Variants in POLR3E observed in about 807,000 individuals in gnomAD.
The protein encoded by POLR3E is RNA polymerase III subunit E.
POLR3E carries 41 observed loss-of-function variants against 96.6 expected under a neutral mutation model. The ratio of observed to expected loss-of-function variants is 0.42; its 90% CI spans 0.33 to 0.55. POLR3E has a LOEUF of 0.55. POLR3E is among the 20% of genes least tolerant of loss of function. POLR3E has a pLI of 0.06. For missense variants in POLR3E, 849 were observed against 952.1 expected, an observed-to-expected ratio of 0.89 and a Z score of 1.43; for synonymous variants, 396 against 383.6, an observed-to-expected ratio of 1.03 and a Z score of -0.38.
intron 18 of POLR3E, chr16:22,326,721 C>T: frequency 4.3e-6 from 1 of 233,610 alleles, no homozygotes; most frequent in Non-Finnish European, 8.6e-6. Flanking sequence ...AAGGTCACTA[C>T]CTAGGAGGTA....
At chr16:22,325,409 C>T in intron 17 of POLR3E, 143 bp downstream of exon 17, 1 of 741,190 alleles carries the variant, frequency 1.3e-6, no homozygotes. Flanking sequence ...TCCTTTCCTG[C>T]CACCCACAGA....
rs1462017412 is a variant in POLR3E at position 22,314,142 on chromosome 16, C to G, written c.522+14C>G. On this transcript the variant is annotated intron_variant, in intron 8 of 20. Coordinates refer to ENST00000299853, the MANE Select transcript of POLR3E (RefSeq NM_018119.4). ...AAGCAGATCACGGTGAGCCCTGGCC[C>G]CTGGAGGAGGAGGGTGCTGCCTGGG... 2.5e-6 allele frequency: 4 copies of G among 1,612,350 alleles called. No homozygotes were observed. In the Admixed American group the frequency reaches 6.7e-5, roughly 27 times the overall value.
In POLR3E at chr16:22,333,507, T is replaced by G. The variant is rs1598283026; in HGVS notation, c.2071-137T>G. The G allele has an allele frequency of 1.0e-5, 6 of 593,068 alleles. No homozygotes were observed. The Middle Eastern group carries it at 1.0e-3, about 100-fold the overall frequency. 36.7% of individuals were successfully genotyped at this position (593,068 alleles called of 1,614,324 possible). A position where few individuals can be genotyped will look rare whatever the true frequency, so the allele number is the denominator to read the frequency against. On this transcript the variant is annotated intron_variant, in intron 20 of 20. Transcript: ENST00000299853. Reference sequence around the variant, plus strand: ...AAAGGGTGGCTGGTAGTAGCCATGGTGGTATGGTTAGGCAGTTTTTGATTT... The same window carrying G: ...AAAGGGTGGCTGGTAGTAGCCATGGGGGTATGGTTAGGCAGTTTTTGATTT...
intron 19 of POLR3E, among the ~76,000 whole-genome samples, chr16:22,330,507 C>T (rs1423962464): frequency 6.6e-6 from 1 of 152,178 alleles, no homozygotes; most frequent in African/African-American, 2.4e-5. Context: ...TTCACTGCTT[C>T]CTGTTTTCAC....
At position 22,314,449 on chromosome 16, in the gene POLR3E, T is replaced by G. The variant is rs146532950; in HGVS notation, c.522+321T>G. Among the ~76,000 whole-genome samples the G allele has an allele frequency of 5.3e-5, 8 of 152,340 alleles. No individual in the cohort carries two copies. In the East Asian group the frequency reaches 1.5e-3, roughly 29 times the overall value. The stretch of plus-strand genomic sequence containing the variant: ...CTTAACAGAGCCAAAGTCAATTAAC[T>G]GTGATTCTATCCTCTTTATGGGGCA... On this transcript the variant is annotated intron_variant, in intron 8 of 20. Coordinates refer to ENST00000299853, the MANE Select transcript of POLR3E (RefSeq NM_018119.4).
chr16:22,328,604 T>C lies in POLR3E; in HGVS notation c.1944+17T>C. On this transcript the variant is annotated intron_variant, in intron 19 of 20. Transcript: ENST00000299853. Reference sequence around the variant, plus strand: ...AGTGATCAGGTGAGGTGAACTTTGCTGCCATCTTCCCGAAGAGCCAGGGGG... The same window carrying C: ...AGTGATCAGGTGAGGTGAACTTTGCCGCCATCTTCCCGAAGAGCCAGGGGG... 5 of 1,609,526 alleles carry C rather than the reference T, an allele frequency of 3.1e-6. No individual in the cohort carries two copies. Among genetic ancestry groups the C allele is most frequent in the Non-Finnish European group, 4.3e-6 (5 of 1,175,820 alleles).
chr16:22,331,276 G>C (rs923810904), intron 19 of POLR3E, among the ~76,000 whole-genome samples: 1 of 152,030 alleles, frequency 6.6e-6, no homozygotes, highest in Non-Finnish European at 1.5e-5. Flanking sequence ...TCTGCGCCCG[G>C]CATGAAGCAT....
At chr16:22,309,548 A>AT in intron 6 of POLR3E, 38 bp downstream of exon 6, 2 of 1,050,798 alleles carry the variant, frequency 1.9e-6, no homozygotes, top group Non-Finnish European at 2.9e-6. Context: ...GGGACATGGC[A>AT]TTGGGGGGGG....
rs2048501187 is a variant in POLR3E at position 22,322,975 on chromosome 16, A to G, written c.1068+44A>G. On this transcript the variant is annotated intron_variant, in intron 14 of 20. Coordinates refer to ENST00000299853, the MANE Select transcript of POLR3E (RefSeq NM_018119.4). This position sits in a 1 kb window ranked among gnomAD's most constrained non-coding sequence, Gnocchi z 5.2. ...CTGGACTCACGGTGGGGGCGTGGGA[A>G]GAGGGGGGCAGCGGTGCAGGGCTTC... 1.5e-6 allele frequency: 2 copies of G among 1,360,278 alleles called. No individual in the cohort carries two copies. Among genetic ancestry groups the G allele is most frequent in the Non-Finnish European group, 1.0e-6 (1 of 962,134 alleles). 84.3% of individuals were successfully genotyped at this position (1,360,278 alleles called of 1,614,324 possible).
intron 3 of POLR3E, among the ~76,000 whole-genome samples, chr16:22,305,881 T>C (rs1465882698): frequency 5.3e-4 from 80 of 152,192 alleles, no homozygotes; most frequent in Admixed American, 5.2e-3. Flanking sequence ...TGGTGATTAT[T>C]ACATTTTATA....
chr16:22,299,073 A>G (rs2047966859), intron 1 of POLR3E: 1 of 455,986 alleles, frequency 2.2e-6, no homozygotes, highest in Admixed American at 2.4e-5. Flanking sequence ...CCAAGGAAAG[A>G]AAACAGAGAT....
At chr16:22,314,749 A>G (rs543377552) in intron 8 of POLR3E, among the ~76,000 whole-genome samples, 4 of 152,142 alleles carry the variant, frequency 2.6e-5, no homozygotes, top group African/African-American at 9.7e-5. Flanking sequence ...TCCGTAGCTT[A>G]TTAGGACCTT....
chr16:22,301,566 GC>G (rs2048021679), intron 1 of POLR3E, among the ~76,000 whole-genome samples: 1 of 152,096 alleles, frequency 6.6e-6, no homozygotes, highest in Admixed American at 6.5e-5. Context: ...GGGTGACAGA[GC>G]AAGACATGTC....
chr16:22,301,134 G>A (rs190382441), intron 1 of POLR3E, among the ~76,000 whole-genome samples: 206 of 142,356 alleles, frequency 1.4e-3, no homozygotes, highest in Admixed American at 2.8e-3. Context: ...GGAAAGAGGT[G>A]AAGGGGGGAC....
At chr16:22,315,416 C>T (rs2048333748) in intron 9 of POLR3E, among the ~76,000 whole-genome samples, 1 of 152,194 alleles carries the variant, frequency 6.6e-6, no homozygotes, top group African/African-American at 2.4e-5. Context: ...GATGCGAGTC[C>T]TTGGTTCCCT....
intron 18 of POLR3E, chr16:22,328,292 C>G (rs1159754847): frequency 3.6e-6 from 2 of 563,224 alleles, no homozygotes; most frequent in Non-Finnish European, 6.4e-6. Context: ...CGCTGAAGCC[C>G]TGTCAGGCCC....
chr16:22,328,245 G>A (rs2048650426), intron 18 of POLR3E: 1 of 479,250 alleles, frequency 2.1e-6, no homozygotes. Context: ...CAGACTCGAA[G>A]CCGGGCATTT....
intron 16 of POLR3E, among the ~76,000 whole-genome samples, chr16:22,324,866 C>T (rs1450859110): frequency 6.6e-6 from 1 of 152,158 alleles, no homozygotes; most frequent in African/African-American, 2.4e-5. Context: ...CTGGCTGATC[C>T]CACCATCCTT....
In POLR3E at chr16:22,333,966, T is replaced by C; in HGVS notation, c.*266T>C. 1 of 401,250 alleles carries C rather than the reference T, an allele frequency of 2.5e-6. No homozygotes were observed. Among genetic ancestry groups the C allele is most frequent in the Non-Finnish European group, 4.4e-6 (1 of 224,864 alleles). The allele number at this position is 401,250 out of a possible 1,614,324, so 24.9% of individuals were successfully genotyped here. A position where few individuals can be genotyped will look rare whatever the true frequency, so the allele number is the denominator to read the frequency against. ...GAAATTCCTGATGTATTTTGCTTATTATTTGGTTTCATTCTCATAATAAAG... is the reference window on the plus strand; with the variant it reads ...GAAATTCCTGATGTATTTTGCTTATCATTTGGTTTCATTCTCATAATAAAG... On this transcript the variant is annotated 3_prime_UTR_variant, in exon 21 of 21. Coordinates refer to ENST00000299853, the MANE Select transcript of POLR3E (RefSeq NM_018119.4).
Sources: allele counts gnomAD v4.1 joint callset (sites outside exome capture counted in the v4.1 genomes callset), GRCh38; gene constraint gnomAD v4.1.1; non-coding constraint Gnocchi (gnomAD v3.1); transcripts MANE v1.5; gene names NCBI Gene and HGNC (gene_info 2026-07-23, HGNC 2026-07-21).